The following MAP7 variants were observed in gnomAD, a reference collection of about 807,000 sequenced individuals.
MAP7 encodes the protein microtubule associated protein 7.
MAP7 carries 52 observed loss-of-function variants against 94.8 expected under a neutral mutation model. The ratio of observed to expected loss-of-function variants is 0.55; its 90% CI spans 0.44 to 0.69. The LOEUF (loss-of-function observed/expected upper bound fraction) is 0.69, where lower values mean the gene tolerates loss of function less well. Among genes scored for constraint, MAP7 ranks in the 30% least tolerant of loss-of-function variants. MAP7 has a pLI of 0.00. For missense variants in MAP7, 940 were observed against 964.6 expected, an observed-to-expected ratio of 0.97 and a Z score of 0.34; for synonymous variants, 350 against 357.0, an observed-to-expected ratio of 0.98 and a Z score of 0.22.
chr6:136,458,336 A>G (rs1040219514), intron 1 of MAP7, among the ~76,000 whole-genome samples: 3 of 152,158 alleles, frequency 2.0e-5, no homozygotes, highest in Non-Finnish European at 2.9e-5. Flanking sequence ...AATATTGTCA[A>G]CATGTCCACA....
intron 1 of MAP7, chr6:136,545,331 AAAT>A (rs1829646978): frequency 1.3e-5 from 2 of 152,198 alleles, no homozygotes; most frequent in African/African-American, 4.8e-5. Flanking sequence ...AAAAAAAAAA[AAAT>A]CAATGGAAGA....
intron 11 of MAP7, 136 bp from the exon 12 acceptor site, chr6:136,361,315 C>T: frequency 1.2e-6 from 1 of 853,968 alleles, no homozygotes; most frequent in South Asian, 1.5e-5. Flanking sequence ...GCCTTCACCA[C>T]TGCTAAGGGA....
chr6:136,355,263 T>A (rs1474934139), intron 16 of MAP7, among the ~76,000 whole-genome samples: 3 of 151,808 alleles, frequency 2.0e-5, no homozygotes, highest in Non-Finnish European at 4.4e-5. Flanking sequence ...TATTCTTTTT[T>A]TTTTAAAAAA....
At chr6:136,467,012 G>T in intron 1 of MAP7, 1 of 822,504 alleles carries the variant, frequency 1.2e-6, no homozygotes, top group Non-Finnish European at 1.7e-6. Context: ...ACTGAACCAA[G>T]CAAAAACTGG....
intron 16 of MAP7, among the ~76,000 whole-genome samples, chr6:136,352,313 G>A (rs1436595610): frequency 6.6e-6 from 1 of 151,590 alleles, no homozygotes; most frequent in African/African-American, 2.4e-5. Flanking sequence ...TCAGTCTCCT[G>A]AGTAGATGGG....
chr6:136,548,403 A>G (rs771154994), intron 1 of MAP7, among the ~76,000 whole-genome samples: 6 of 152,164 alleles, frequency 3.9e-5, no homozygotes, highest in Non-Finnish European at 8.8e-5. Context: ...AAACATTAAT[A>G]GTAATCTTGG....
chr6:136,539,626 G>A (rs1032612744), intron 1 of MAP7, among the ~76,000 whole-genome samples: 1 of 152,174 alleles, frequency 6.6e-6, no homozygotes, highest in Non-Finnish European at 1.5e-5. Context: ...CCCAGAAAAA[G>A]CTTCAAATCA....
At chr6:136,357,351 A>G (rs1249794587) in intron 15 of MAP7, among the ~76,000 whole-genome samples, 2 of 152,228 alleles carry the variant, frequency 1.3e-5, no homozygotes, top group African/African-American at 4.8e-5. Flanking sequence ...TTAAGCTGAC[A>G]ATATTGATGA....
chr6:136,537,776 A>G (rs1287459950), intron 1 of MAP7, among the ~76,000 whole-genome samples: 16 of 151,684 alleles, frequency 1.1e-4, no homozygotes, highest in Admixed American at 1.1e-3. Context: ...TTTCAGATTT[A>G]CGAAGTTATG....
chr6:136,426,386 T>C (rs1040277185), intron 1 of MAP7, among the ~76,000 whole-genome samples: 1 of 152,238 alleles, frequency 6.6e-6, no homozygotes, highest in Non-Finnish European at 1.5e-5. Context: ...TGACATACTA[T>C]CTGCTTTCAA....
chr6:136,372,638 A>G lies in MAP7; in HGVS notation c.752-13T>C. 1 of 1,614,208 alleles carries G rather than the reference A, an allele frequency of 6.2e-7. No individual in the cohort carries two copies. The highest frequency in any genetic ancestry group is 8.5e-7 in the Non-Finnish European group (1 of 1,180,014). On this transcript the variant is annotated splice_polypyrimidine_tract_variant and intron_variant, in intron 7 of 17. Transcript: ENST00000354570. ...GGGCTGCAAGATGCTGAACGAGGAC[A>G]AATGGGGATAACTAGGGTGCAGGTG...
At chr6:136,548,057 A>G (rs920375491) in intron 1 of MAP7, among the ~76,000 whole-genome samples, 5 of 151,740 alleles carry the variant, frequency 3.3e-5, no homozygotes, top group African/African-American at 1.2e-4. Context: ...TCAACTCTTG[A>G]TGGTAATAGT....
At chr6:136,347,247 C>A (rs945391788) in intron 16 of MAP7, among the ~76,000 whole-genome samples, 3 of 152,308 alleles carry the variant, frequency 2.0e-5, no homozygotes, top group Middle Eastern at 3.4e-3. Context: ...TTGTTCAATG[C>A]TCAACAAATT....
intron 2 of MAP7, among the ~76,000 whole-genome samples, chr6:136,417,063 G>GGTGAC (rs1789724287): frequency 6.6e-6 from 1 of 152,148 alleles, no homozygotes; most frequent in Non-Finnish European, 1.5e-5. Flanking sequence ...AGGCTACAGT[G>GGTGAC]AGCCCTGATT....
chr6:136,533,282 C>CA (rs1828619218), intron 1 of MAP7, among the ~76,000 whole-genome samples: 2 of 152,054 alleles, frequency 1.3e-5, no homozygotes, highest in Admixed American at 6.6e-5. Flanking sequence ...AAAACAACAA[C>CA]AAAAAACCTA....
chr6:136,381,578 G>C (rs916812875), intron 6 of MAP7, among the ~76,000 whole-genome samples: 4 of 152,050 alleles, frequency 2.6e-5, no homozygotes, highest in Admixed American at 2.6e-4. Flanking sequence ...TGAGGGCTTT[G>C]CTTAAGTTAA....
intron 5 of MAP7, among the ~76,000 whole-genome samples, chr6:136,386,823 A>G (rs1779300827): frequency 6.6e-6 from 1 of 152,186 alleles, no homozygotes; most frequent in African/African-American, 2.4e-5. Context: ...TTTAAATTAC[A>G]TTTCTGAATC....
chr6:136,362,994 T>C (rs987061515), intron 10 of MAP7, among the ~76,000 whole-genome samples: 1 of 152,174 alleles, frequency 6.6e-6, no homozygotes, highest in Non-Finnish European at 1.5e-5. Context: ...CAAAGCCTCA[T>C]GTTAGAGTCT....
Position 136,366,118 on chromosome 6 carries a change from C to T in MAP7, c.990-100G>A, listed in dbSNP as rs561718952. The T allele has an allele frequency of 1.3e-4, 162 of 1,276,586 alleles. No homozygotes were observed. The African/African-American group carries it at 2.3e-3, about 18-fold the overall frequency. 79.1% of individuals were successfully genotyped at this position (1,276,586 alleles called of 1,614,324 possible). ...GATGGAAGAGAATGCAGATATTTAG[C>T]TCCGTGTATTTGTTTTTTATGTGGT... On this transcript the variant is annotated intron_variant, in intron 9 of 17. Transcript: ENST00000354570.
Sources: gnomAD v4.1 joint callset for allele counts (sites outside exome capture counted in the v4.1 genomes callset) on GRCh38, gnomAD v4.1.1 for gene constraint, MANE v1.5 for transcripts, NCBI Gene and HGNC (gene_info 2026-07-23, HGNC 2026-07-21) for gene names.